The following TRIQK variants were observed in gnomAD, a reference collection of about 807,000 sequenced individuals.
TRIQK encodes triple QxxK/R motif-containing protein.
In TRIQK, 10 loss-of-function variants were observed where a neutral mutation model predicts 10.8. The observed-to-expected ratio is 0.92, with a 90% CI of 0.57 to 1.57. The LOEUF (loss-of-function observed/expected upper bound fraction) is 1.57, where lower values mean the gene tolerates loss of function less well. Among genes scored for constraint, TRIQK ranks in the 40% most tolerant of loss-of-function variants. The pLI, the probability that TRIQK is intolerant of heterozygous loss-of-function variation, is 0.00. For synonymous variants in TRIQK, 33 were observed against 33.7 expected (o/e 0.98, Z 0.07); for missense variants, 107 against 97.7 (o/e 1.09, Z -0.40).
chr8:92,916,856 T>C (rs1809880078), intron 3 of TRIQK, 73 bp downstream of exon 3: 3 of 1,120,294 alleles, frequency 2.7e-6, no homozygotes, highest in South Asian at 2.2e-5. Context: ...AGAGAAAATT[T>C]ATTTTCTTAA....
At chr8:92,953,139 G>T (rs1432529475) in intron 2 of TRIQK, among the ~76,000 whole-genome samples, 2 of 151,984 alleles carry the variant, frequency 1.3e-5, no homozygotes, top group African/African-American at 4.8e-5. Flanking sequence ...TTCTATTCAT[G>T]CTCTTATTAT....
chr8:92,992,645 C>A (rs1813107422), intron 1 of TRIQK, among the ~76,000 whole-genome samples: 1 of 152,168 alleles, frequency 6.6e-6, no homozygotes, highest in African/African-American at 2.4e-5. Flanking sequence ...AAGCACAGGG[C>A]CAGCCTGAGG....
intron 1 of TRIQK, among the ~76,000 whole-genome samples, chr8:92,985,926 A>G (rs1321342157): frequency 6.6e-6 from 1 of 152,160 alleles, no homozygotes; most frequent in African/African-American, 2.4e-5. Flanking sequence ...GTATAAAGCC[A>G]AAGCATGAAC....
At position 92,946,845 on chromosome 8, in the gene TRIQK, C is replaced by G. The variant is rs370844473; in HGVS notation, c.-22+7561G>C. Among the ~76,000 whole-genome samples the G allele has an allele frequency of 3.1e-4, 47 of 151,670 alleles. No individual in the cohort carries two copies. In the East Asian group the frequency reaches 7.2e-3, roughly 23 times the overall value. On this transcript the variant is annotated intron_variant, in intron 2 of 4. Coordinates refer to ENST00000521988, the MANE Select transcript of TRIQK (RefSeq NM_001171797.2). ...GTGCAATCTCGGCTCACTGCGAGCT[C>G]CGCCTGCTGGGTTCACGCCATTCTC...
intron 1 of TRIQK, among the ~76,000 whole-genome samples, chr8:93,009,621 CA>C (rs1330125299): frequency 6.7e-6 from 1 of 150,254 alleles, no homozygotes; most frequent in Admixed American, 6.7e-5. Flanking sequence ...AAAAAAAAGA[CA>C]ACAGATAAAA....
At chr8:92,901,654 T>G (rs2130348640) in intron 3 of TRIQK, among the ~76,000 whole-genome samples, 1 of 152,252 alleles carries the variant, frequency 6.6e-6, no homozygotes, top group African/African-American at 2.4e-5. Context: ...TTACCAGAAT[T>G]TGGTTGAGGA....
At chr8:92,975,938 A>G (rs995770099) in intron 1 of TRIQK, among the ~76,000 whole-genome samples, 3 of 151,932 alleles carry the variant, frequency 2.0e-5, no homozygotes, top group Admixed American at 6.6e-5. Flanking sequence ...TACTTAGAAT[A>G]TGTTATTTAC....
At chr8:93,015,282 G>T (rs1813373236) in intron 1 of TRIQK, among the ~76,000 whole-genome samples, 1 of 151,708 alleles carries the variant, frequency 6.6e-6, no homozygotes, top group Non-Finnish European at 1.5e-5. Flanking sequence ...TAAAATTCCA[G>T]CTAAATTGTC....
intron 1 of TRIQK, among the ~76,000 whole-genome samples, chr8:92,982,526 GA>G (rs1206970183): frequency 6.6e-6 from 1 of 151,960 alleles, no homozygotes; most frequent in African/African-American, 2.4e-5. Flanking sequence ...TAGTGGTAGG[GA>G]ATGTCCAGGA....
intron 3 of TRIQK, among the ~76,000 whole-genome samples, chr8:92,907,712 T>G (rs1339795548): frequency 6.6e-6 from 1 of 152,096 alleles, no homozygotes; most frequent in Admixed American, 6.6e-5. Flanking sequence ...AAGTTATAAT[T>G]TCTAATTAGT....
chr8:92,949,657 GGAAA>G (rs1811733158), intron 2 of TRIQK, among the ~76,000 whole-genome samples: 1 of 93,660 alleles, frequency 1.1e-5, no homozygotes, highest in Non-Finnish European at 2.0e-5. Context: ...GGAAAGGGAA[GGAAA>G]GAAAGAGAAG....
chr8:92,991,993 C>T lies in TRIQK; in HGVS notation c.-181+25616G>A, dbSNP rs550622666. Among the ~76,000 whole-genome samples the T allele has an allele frequency of 3.3e-5, 5 of 152,078 alleles. No individual in the cohort carries two copies. The East Asian group carries it at 7.8e-4, about 24-fold the overall frequency. ...AAGAGAACTACAAACCACTGCTCAACGAAATAAAAGAGGACACAAACAAAT... is the reference window on the plus strand; with the variant it reads ...AAGAGAACTACAAACCACTGCTCAATGAAATAAAAGAGGACACAAACAAAT... On this transcript the variant is annotated intron_variant, in intron 1 of 4. Coordinates refer to the TRIQK transcript ENST00000520686.
intron 1 of TRIQK, among the ~76,000 whole-genome samples, chr8:92,959,068 T>C (rs1812316002): frequency 6.6e-6 from 1 of 152,124 alleles, no homozygotes; most frequent in South Asian, 2.1e-4. Context: ...GTGATTGTTT[T>C]CTAATAAAAC....
At chr8:92,999,652 A>G (rs1173525712) in intron 1 of TRIQK, among the ~76,000 whole-genome samples, 3 of 152,202 alleles carry the variant, frequency 2.0e-5, no homozygotes, top group Admixed American at 2.0e-4. Context: ...TCTGATGCAC[A>G]GGCCAGAAAT....
At chr8:92,959,246 A>G (rs1812326148) in intron 1 of TRIQK, among the ~76,000 whole-genome samples, 1 of 151,944 alleles carries the variant, frequency 6.6e-6, no homozygotes, top group African/African-American at 2.4e-5. Flanking sequence ...TTGCTATTCA[A>G]TGGTTTGGGG....
Position 92,885,463 on chromosome 8 carries a change from ACT to A in TRIQK, c.*1157_*1158del, listed in dbSNP as rs1029027197. 5.2e-5 allele frequency: 8 copies of A among 154,212 alleles called. No homozygotes were observed. The highest frequency in any genetic ancestry group is 1.9e-4 in the African/African-American group (8 of 41,372). The allele number at this position is 154,212 out of a possible 1,614,324, so 9.6% of individuals were successfully genotyped here. On this transcript the variant is annotated 3_prime_UTR_variant, in exon 5 of 5. Transcript: ENST00000521988. The stretch of plus-strand genomic sequence containing the variant: ...TCTTTACATAAGGTAGTAGCTAATA[ACT>A]CTTTCTGTGGACACGTATTTTCCAG...
chr8:92,945,771 A>C (rs1811498150), intron 2 of TRIQK, among the ~76,000 whole-genome samples: 1 of 152,232 alleles, frequency 6.6e-6, no homozygotes, highest in Non-Finnish European at 1.5e-5. Flanking sequence ...TATATGTATT[A>C]AATTTAGGAT....
At chr8:92,929,838 A>G (rs1426581413) in intron 2 of TRIQK, among the ~76,000 whole-genome samples, 1 of 152,178 alleles carries the variant, frequency 6.6e-6, no homozygotes, top group Admixed American at 6.5e-5. Context: ...TACTTGAGTT[A>G]ATCTTCTGGA....
chr8:92,947,587 GAAAAAAAAAAAA>G (rs35808197), intron 2 of TRIQK, among the ~76,000 whole-genome samples: 1 of 61,440 alleles, frequency 1.6e-5, no homozygotes, highest in Non-Finnish European at 2.9e-5. Context: ...TCCGCCTCAG[GAAAAAAAAAAAA>G]AAAAAAAAAA....
Sources: allele counts gnomAD v4.1 joint callset (sites outside exome capture counted in the v4.1 genomes callset), GRCh38; gene constraint gnomAD v4.1.1; transcripts MANE v1.5; gene names NCBI Gene and HGNC (gene_info 2026-07-23, HGNC 2026-07-21).